Variants in B3GLCT observed in about 807,000 individuals in gnomAD.
B3GLCT encodes the protein beta 3-glucosyltransferase.
Under a neutral mutation model 63.4 loss-of-function variants are expected in B3GLCT, and 65 were observed. That is an observed-to-expected ratio of 1.03 (90% CI 0.84 to 1.26). The LOEUF (loss-of-function observed/expected upper bound fraction) is 1.26, where lower values mean the gene tolerates loss of function less well. B3GLCT is among the 50% of genes most tolerant of loss of function. B3GLCT has a pLI of 0.00. For missense variants in B3GLCT, 577 were observed against 604.8 expected, an observed-to-expected ratio of 0.95 and a Z score of 0.48; for synonymous variants, 233 against 219.2, an observed-to-expected ratio of 1.06 and a Z score of -0.55.
At chr13:31,326,274 C>T (rs1875612956) in intron 14 of B3GLCT, among the ~76,000 whole-genome samples, 1 of 118,278 alleles carries the variant, frequency 8.5e-6, no homozygotes, top group South Asian at 3.2e-4. Context: ...GAGGTCTTTC[C>T]CTTTTTTTTT....
intron 6 of B3GLCT, among the ~76,000 whole-genome samples, chr13:31,255,124 C>G (rs1333016908): frequency 1.3e-5 from 2 of 151,540 alleles, no homozygotes; most frequent in Non-Finnish European, 2.9e-5. Flanking sequence ...GATACAAAAT[C>G]AAGTGCAGAA....
chr13:31,200,911 T>C (rs1324586695), intron 1 of B3GLCT, among the ~76,000 whole-genome samples: 1 of 152,102 alleles, frequency 6.6e-6, no homozygotes, highest in Non-Finnish European at 1.5e-5. Context: ...AGAGCAGTGC[T>C]TGCCCGGTCT....
chr13:31,249,376 C>G (rs1277365562), intron 6 of B3GLCT, among the ~76,000 whole-genome samples: 1 of 151,936 alleles, frequency 6.6e-6, no homozygotes, highest in Non-Finnish European at 1.5e-5. Flanking sequence ...ATGAACCTGT[C>G]TCATCCAGTC....
intron 10 of B3GLCT, 30 bp downstream of exon 10, chr13:31,276,801 C>T (rs372388899): frequency 8.6e-5 from 129 of 1,493,884 alleles, no homozygotes; most frequent in South Asian, 1.1e-4. Flanking sequence ...TTTTATTGAA[C>T]GCTAAAATCC....
chr13:31,272,845 T>G (rs1872630537), intron 8 of B3GLCT, among the ~76,000 whole-genome samples: 1 of 152,208 alleles, frequency 6.6e-6, no homozygotes, highest in Non-Finnish European at 1.5e-5. Flanking sequence ...ATCATATATT[T>G]GCCATTGTTT....
At chr13:31,216,510 A>G (rs1315911215) in intron 2 of B3GLCT, among the ~76,000 whole-genome samples, 1 of 152,036 alleles carries the variant, frequency 6.6e-6, no homozygotes, top group Non-Finnish European at 1.5e-5. Context: ...GGTAGATTGC[A>G]TGTCATAGGG....
chr13:31,319,421 A>G (rs1875218072), intron 13 of B3GLCT, among the ~76,000 whole-genome samples: 2 of 84,130 alleles, frequency 2.4e-5, no homozygotes, highest in African/African-American at 3.3e-5. Context: ...CTACCTCACC[A>G]AGGTTTCCAG....
rs1374982761 is a variant in B3GLCT at position 31,331,474 on chromosome 13, C to T, written c.*1806C>T. ...TTAAGTGTTTTGTTAATTATATTTA[C>T]TTTTTGGAATGGTGTAAGCCTAACC... On this transcript the variant is annotated 3_prime_UTR_variant, in exon 15 of 15. Transcript: ENST00000343307. 1 of 145,344 alleles carries T rather than the reference C, an allele frequency of 6.9e-6. No individual in the cohort carries two copies. The highest frequency in any genetic ancestry group is 1.5e-5 in the Non-Finnish European group (1 of 67,318). 9.0% of individuals were successfully genotyped at this position (145,344 alleles called of 1,614,324 possible).
intron 1 of B3GLCT, among the ~76,000 whole-genome samples, chr13:31,211,353 GCCA>G (rs1487152603): frequency 2.6e-5 from 4 of 152,126 alleles, no homozygotes; most frequent in African/African-American, 9.7e-5. Flanking sequence ...TTGAGATAGT[GCCA>G]CTGCACTCCA....
At chr13:31,224,820 T>TC (rs1870013231) in intron 3 of B3GLCT, among the ~76,000 whole-genome samples, 1 of 152,190 alleles carries the variant, frequency 6.6e-6, no homozygotes, top group South Asian at 2.1e-4. Flanking sequence ...TACATCGTAT[T>TC]GGTTTTTCAT....
rs563186927 is a variant in B3GLCT, at chr13:31,331,766, C to T, written c.*2098C>T. ...CAAATCAGAGATGTTATTTTAGAAT[C>T]GATTCCCATCTAAAGAACTCAATTT... On this transcript the variant is annotated 3_prime_UTR_variant, in exon 15 of 15. Coordinates refer to ENST00000343307, the MANE Select transcript of B3GLCT (RefSeq NM_194318.4). 6.6e-6 allele frequency: 1 copy of T among 152,272 alleles called. No individual in the cohort carries two copies. Among genetic ancestry groups the T allele is most frequent in the East Asian group, 1.9e-4 (1 of 5,178 alleles). 9.4% of individuals were successfully genotyped at this position (152,272 alleles called of 1,614,324 possible).
At chr13:31,305,376 C>A (rs368699350) in intron 12 of B3GLCT, among the ~76,000 whole-genome samples, 1 of 107,734 alleles carries the variant, frequency 9.3e-6, no homozygotes, top group Non-Finnish European at 2.0e-5. Flanking sequence ...TTCAAAAAAT[C>A]AATGAATCCA....
At chr13:31,262,735 C>T (rs1368963577) in intron 7 of B3GLCT, among the ~76,000 whole-genome samples, 2 of 152,162 alleles carry the variant, frequency 1.3e-5, no homozygotes, top group African/African-American at 4.8e-5. Flanking sequence ...CTGTGACCTG[C>T]ACTTTGTAGG....
intron 13 of B3GLCT, among the ~76,000 whole-genome samples, chr13:31,318,754 A>G (rs1215121540): frequency 1.3e-5 from 2 of 152,182 alleles, no homozygotes; most frequent in Non-Finnish European, 2.9e-5. Flanking sequence ...GTTAGGGCCA[A>G]TTAAGGATCA....
At chr13:31,209,858 A>G (rs1869168316) in intron 1 of B3GLCT, among the ~76,000 whole-genome samples, 2 of 152,176 alleles carry the variant, frequency 1.3e-5, no homozygotes, top group South Asian at 2.1e-4. Context: ...TTTGGTTTCT[A>G]TGATAGATGT....
At chr13:31,200,380 C>T (rs1477529657) in intron 1 of B3GLCT, among the ~76,000 whole-genome samples, 1 of 149,664 alleles carries the variant, frequency 6.7e-6, no homozygotes, top group Non-Finnish European at 1.5e-5. Flanking sequence ...CCGCTCGGCC[C>T]CTTTCGGTCT....
intron 6 of B3GLCT, among the ~76,000 whole-genome samples, chr13:31,250,676 G>A (rs1054017018): frequency 1.3e-5 from 2 of 152,130 alleles, no homozygotes; most frequent in African/African-American, 4.8e-5. Flanking sequence ...CCTCCTCTCT[G>A]GGCAGGGCGT....
chr13:31,327,250 ACTC>A (rs1875674572), intron 14 of B3GLCT, among the ~76,000 whole-genome samples: 1 of 152,170 alleles, frequency 6.6e-6, no homozygotes, highest in African/African-American at 2.4e-5. Context: ...CAGCATCACT[ACTC>A]TTGCTTCAGG....
At chr13:31,266,190 G>A (rs1189223037) in intron 7 of B3GLCT, among the ~76,000 whole-genome samples, 3 of 151,886 alleles carry the variant, frequency 2.0e-5, no homozygotes, top group African/African-American at 7.3e-5. Context: ...AGTAGAGACG[G>A]GGTTTCACCG....
Sources: gnomAD v4.1 joint callset for allele counts (sites outside exome capture counted in the v4.1 genomes callset) on GRCh38, gnomAD v4.1.1 for gene constraint, MANE v1.5 for transcripts, NCBI Gene and HGNC (gene_info 2026-07-23, HGNC 2026-07-21) for gene names.